Variants in ROBO1 observed in about 807,000 individuals in gnomAD.
ROBO1 encodes the protein roundabout homolog 1.
Under a neutral mutation model 195.9 loss-of-function variants are expected in ROBO1, and 149 were observed. That is an observed-to-expected ratio of 0.76 (90% CI 0.67 to 0.87). ROBO1 has a LOEUF of 0.87. ROBO1 is among the 40% of genes least tolerant of loss of function. The pLI, the probability that ROBO1 is intolerant of heterozygous loss-of-function variation, is 0.00. For missense variants in ROBO1, 1,933 were observed against 2,068.3 expected (o/e 0.93, Z 1.27); for synonymous variants, 816 against 733.2 (o/e 1.11, Z -1.82).
chr3:78,997,981 C>A (rs987476839), intron 3 of ROBO1, among the ~76,000 whole-genome samples: 2 of 152,096 alleles, frequency 1.3e-5, no homozygotes, highest in Non-Finnish European at 2.9e-5. Context: ...ATATGTTGGA[C>A]CAGACTTCAT....
At chr3:79,019,483 C>T (rs1212300011) in intron 3 of ROBO1, 5 of 986,182 alleles carry the variant, frequency 5.1e-6, no homozygotes, top group African/African-American at 3.5e-5. Context: ...CCCCACAGTC[C>T]CCGCGGCTCC....
At chr3:78,656,345 A>ATTTTTTTT (rs5850382) in intron 18 of ROBO1, among the ~76,000 whole-genome samples, 1 of 88,640 alleles carries the variant, frequency 1.1e-5, no homozygotes, top group Non-Finnish European at 2.2e-5. Flanking sequence ...TGCTTATTTG[A>ATTTTTTTT]TTTTTTTTTT....
At chr3:79,083,824 T>A (rs527566002) in intron 3 of ROBO1, among the ~76,000 whole-genome samples, 1 of 152,184 alleles carries the variant, frequency 6.6e-6, no homozygotes, top group Non-Finnish European at 1.5e-5. Flanking sequence ...GTGGCAGATA[T>A]CTTCGGAGAA....
intron 1 of ROBO1, among the ~76,000 whole-genome samples, chr3:79,632,055 A>G (rs1023763086): frequency 6.6e-6 from 1 of 152,128 alleles, no homozygotes; most frequent in African/African-American, 2.4e-5. Flanking sequence ...TACAACCTCT[A>G]TGGAAAGTCA....
chr3:79,398,980 G>A (rs2037258339), intron 2 of ROBO1, among the ~76,000 whole-genome samples: 1 of 151,854 alleles, frequency 6.6e-6, no homozygotes, highest in Admixed American at 6.6e-5. Flanking sequence ...ATAAGAGAGT[G>A]AATGCCTGTC....
intron 2 of ROBO1, among the ~76,000 whole-genome samples, chr3:79,241,067 A>G (rs375067641): frequency 1.3e-5 from 2 of 152,178 alleles, no homozygotes; most frequent in Non-Finnish European, 2.9e-5. Flanking sequence ...CAAACATTTT[A>G]TTTTCAACTA....
chr3:79,684,273 C>A (rs932995815), intron 1 of ROBO1, among the ~76,000 whole-genome samples: 3 of 152,108 alleles, frequency 2.0e-5, no homozygotes, highest in African/African-American at 7.2e-5. Flanking sequence ...TCTATTAAAA[C>A]CCTTTGCCCA....
At chr3:79,347,115 T>C (rs951560566) in intron 2 of ROBO1, among the ~76,000 whole-genome samples, 2 of 152,102 alleles carry the variant, frequency 1.3e-5, no homozygotes, top group African/African-American at 4.8e-5. Flanking sequence ...TGAAAACAAA[T>C]ATAACCCCAT....
intron 4 of ROBO1, among the ~76,000 whole-genome samples, chr3:78,888,643 T>A (rs191106432): frequency 3.3e-5 from 5 of 152,292 alleles, no homozygotes; most frequent in African/African-American, 4.8e-5. Context: ...AAACAGTAGT[T>A]CTTTACATTT....
intron 2 of ROBO1, among the ~76,000 whole-genome samples, chr3:79,469,175 G>A (rs1938131980): frequency 6.6e-6 from 1 of 152,048 alleles, no homozygotes; most frequent in African/African-American, 2.4e-5. Context: ...AGAAAGAATG[G>A]TTTATAAAGA....
intron 2 of ROBO1, among the ~76,000 whole-genome samples, chr3:79,327,658 C>T (rs2034266828): frequency 6.6e-6 from 1 of 151,936 alleles, no homozygotes; most frequent in Non-Finnish European, 1.5e-5. Context: ...ATGAATAAAT[C>T]ACCAGTTGCT....
intron 2 of ROBO1, among the ~76,000 whole-genome samples, chr3:79,513,355 GA>G (rs138251751): frequency 1.3e-5 from 2 of 151,606 alleles, no homozygotes; most frequent in Admixed American, 1.3e-4. Context: ...TTTTTAAGGA[GA>G]AAAAATAATA....
intron 2 of ROBO1, among the ~76,000 whole-genome samples, chr3:79,331,271 C>A (rs751337463): frequency 6.6e-6 from 1 of 152,084 alleles, no homozygotes; most frequent in South Asian, 2.1e-4. Context: ...ATTAAAAAAC[C>A]CAATTTGATG....
intron 2 of ROBO1, among the ~76,000 whole-genome samples, chr3:79,310,118 T>G (rs1212967830): frequency 6.6e-6 from 1 of 152,118 alleles, no homozygotes; most frequent in East Asian, 1.9e-4. Context: ...CCTCCAGATT[T>G]GCAATTAGAT....
chr3:79,419,366 A>C (rs1286271162), intron 2 of ROBO1, among the ~76,000 whole-genome samples: 1 of 152,116 alleles, frequency 6.6e-6, no homozygotes, highest in Non-Finnish European at 1.5e-5. Context: ...CCCTCCCTTG[A>C]GTATGACATA....
At chr3:79,166,568 T>A (rs934660867) in intron 2 of ROBO1, among the ~76,000 whole-genome samples, 7 of 147,430 alleles carry the variant, frequency 4.7e-5, no homozygotes, top group Non-Finnish European at 8.9e-5. Context: ...TTCTTTTTTT[T>A]TTTTTTTTTA....
intron 4 of ROBO1, among the ~76,000 whole-genome samples, chr3:78,898,108 T>C (rs548343872): frequency 1.0e-3 from 153 of 150,078 alleles, no homozygotes; most frequent in Admixed American, 1.9e-3. Context: ...ATATATATAT[T>C]TAATTTAAAA....
intron 2 of ROBO1, among the ~76,000 whole-genome samples, chr3:79,258,955 T>C (rs992715993): frequency 5.3e-5 from 8 of 152,102 alleles, no homozygotes; most frequent in African/African-American, 1.9e-4. Flanking sequence ...ATTTTAAAGA[T>C]ATGATGCCAT....
chr3:78,750,497 A>C (rs935104616), intron 4 of ROBO1, among the ~76,000 whole-genome samples: 4 of 150,186 alleles, frequency 2.7e-5, no homozygotes, highest in Non-Finnish European at 5.9e-5. Flanking sequence ...AAATAAATAA[A>C]TAAAATAAAA....
Sources: gnomAD v4.1 joint callset for allele counts (sites outside exome capture counted in the v4.1 genomes callset) on GRCh38, gnomAD v4.1.1 for gene constraint, MANE v1.5 for transcripts, NCBI Gene and HGNC (gene_info 2026-07-23, HGNC 2026-07-21) for gene names.